The following PI15 variants were observed in gnomAD, a reference collection of about 807,000 sequenced individuals.
PI15 encodes 25 kDa trypsin inhibitor.
A neutral mutation model predicts 31.0 loss-of-function variants in PI15; 18 were observed. That is an observed-to-expected ratio of 0.58 (90% CI 0.40 to 0.86). PI15 has a LOEUF of 0.86. Ranked by LOEUF, PI15 falls within the 40% of genes least tolerant of loss-of-function variation. The probability of loss-of-function intolerance (pLI) is 0.00; values close to 1 mark genes in which losing one functional copy is unlikely to be tolerated. For missense variants in PI15, 282 were observed against 328.1 expected (o/e 0.86, Z 1.09); for synonymous variants, 118 against 119.1 (o/e 0.99, Z 0.06).
In PI15 at chr8:74,849,392, T is replaced by C; in HGVS notation, c.*139T>C. The C allele has an allele frequency of 1.7e-6, 1 of 580,260 alleles. No homozygotes were observed. Among genetic ancestry groups the C allele is most frequent in the Non-Finnish European group, 2.9e-6 (1 of 345,582 alleles). 35.9% of individuals were successfully genotyped at this position (580,260 alleles called of 1,614,324 possible). On this transcript the variant is annotated 3_prime_UTR_variant, in exon 6 of 6. Coordinates refer to ENST00000260113, the MANE Select transcript of PI15 (RefSeq NM_015886.5). Reference sequence around the variant, plus strand: ...CCTCTTAGTATTCCTTTGTATAAATTAGTGTTTGTCTAGCATGTTTGTTTA... The same window carrying C: ...CCTCTTAGTATTCCTTTGTATAAATCAGTGTTTGTCTAGCATGTTTGTTTA...
chr8:74,837,933 T>C (rs1304035228), intron 2 of PI15, among the ~76,000 whole-genome samples: 1 of 152,138 alleles, frequency 6.6e-6, no homozygotes. Context: ...TTCACTTTAA[T>C]TTTCATAATT....
At chr8:74,829,622 A>G (rs1810751909) in intron 2 of PI15, among the ~76,000 whole-genome samples, 1 of 152,160 alleles carries the variant, frequency 6.6e-6, no homozygotes, top group African/African-American at 2.4e-5. Context: ...GAAAACAAAC[A>G]TTTTTGTCTT....
intron 2 of PI15, among the ~76,000 whole-genome samples, chr8:74,827,102 A>T (rs1224083875): frequency 6.6e-6 from 1 of 152,098 alleles, no homozygotes; most frequent in African/African-American, 2.4e-5. Context: ...ATTTGTAGCA[A>T]TCACATGACT....
chr8:74,847,116 A>G (rs1811037163), intron 5 of PI15, among the ~76,000 whole-genome samples: 1 of 152,214 alleles, frequency 6.6e-6, no homozygotes, highest in South Asian at 2.1e-4. Context: ...AGATAGCATT[A>G]GCTTGGCCCA....
At chr8:74,825,150 T>TCGGG in intron 1 of PI15, 60 bp from the exon 2 acceptor site, 4 of 926,280 alleles carry the variant, frequency 4.3e-6, no homozygotes, top group African/African-American at 1.7e-5. Flanking sequence ...TCTTTGTAAA[T>TCGGG]TCATACCCTC....
chr8:74,849,066 T>A, intron 5 of PI15, 52 bp from the exon 6 acceptor site: 1 of 1,557,954 alleles, frequency 6.4e-7, no homozygotes, highest in South Asian at 1.2e-5. Flanking sequence ...CAATCTACTT[T>A]TAAAAAATGG....
In PI15 at chr8:74,852,052, A is replaced by G. The variant is rs1321162989; in HGVS notation, c.*2799A>G. ...TGCCATATTTTTCACAGCATGCAACAATGGTGCTAGGATAGCTATTTCTTA... is the reference window on the plus strand; with the variant it reads ...TGCCATATTTTTCACAGCATGCAACGATGGTGCTAGGATAGCTATTTCTTA... On this transcript the variant is annotated 3_prime_UTR_variant, in exon 6 of 6. Coordinates refer to ENST00000260113, the MANE Select transcript of PI15 (RefSeq NM_015886.5). 6.6e-6 allele frequency: 1 copy of G among 152,566 alleles called. No individual in the cohort carries two copies. Among genetic ancestry groups the G allele is most frequent in the Non-Finnish European group, 1.5e-5 (1 of 67,968 alleles). 9.5% of individuals were successfully genotyped at this position (152,566 alleles called of 1,614,324 possible). A position where few individuals can be genotyped will look rare whatever the true frequency, so the allele number is the denominator to read the frequency against.
At position 74,836,130 on chromosome 8, in the gene PI15, C is replaced by A. The variant is rs955551621; in HGVS notation, c.274-7851C>A. Among the ~76,000 whole-genome samples, 38 of 152,144 alleles carry A rather than the reference C, an allele frequency of 2.5e-4. 1 individual carries two copies. The highest frequency in any genetic ancestry group is 8.0e-4 in the African/African-American group (33 of 41,442). On this transcript the variant is annotated intron_variant, in intron 2 of 5. Coordinates refer to ENST00000260113, the MANE Select transcript of PI15 (RefSeq NM_015886.5). The stretch of plus-strand genomic sequence containing the variant: ...TGGCCTGAGCAATAAAGAACAGCAA[C>A]CAGTAAACTTTTTCTGTAAAGGGCC...
At chr8:74,847,899 G>A (rs1421074353) in intron 5 of PI15, among the ~76,000 whole-genome samples, 3 of 151,850 alleles carry the variant, frequency 2.0e-5, no homozygotes, top group Admixed American at 6.6e-5. Context: ...TTTTACCACC[G>A]ATAACCAAAT....
At chr8:74,834,456 C>A (rs559166156) in intron 2 of PI15, among the ~76,000 whole-genome samples, 1 of 152,140 alleles carries the variant, frequency 6.6e-6, no homozygotes, top group Admixed American at 6.6e-5. Flanking sequence ...GATCCAGTCA[C>A]CAAACTCCTT....
chr8:74,836,055 C>T (rs561193681), intron 2 of PI15, among the ~76,000 whole-genome samples: 1 of 152,240 alleles, frequency 6.6e-6, no homozygotes, highest in East Asian at 1.9e-4. Flanking sequence ...ATGAGATTTG[C>T]TCACTGAGCA....
At chr8:74,838,659 G>A (rs1455930013) in intron 2 of PI15, among the ~76,000 whole-genome samples, 1 of 151,912 alleles carries the variant, frequency 6.6e-6, no homozygotes, top group African/African-American at 2.4e-5. Flanking sequence ...AAGTGAGAAA[G>A]GGCACTATTT....
chr8:74,825,975 C>A (rs1006171272), intron 2 of PI15, among the ~76,000 whole-genome samples: 1 of 152,006 alleles, frequency 6.6e-6, no homozygotes, highest in Non-Finnish European at 1.5e-5. Flanking sequence ...ATGATTTATT[C>A]TCTGGGTAGG....
chr8:74,842,496 C>T (rs768320735), intron 2 of PI15, among the ~76,000 whole-genome samples: 3 of 152,084 alleles, frequency 2.0e-5, no homozygotes, highest in Non-Finnish European at 4.4e-5. Flanking sequence ...CAGGTAAATA[C>T]TTCACTAAAT....
intron 5 of PI15, among the ~76,000 whole-genome samples, chr8:74,847,024 C>T (rs896637584): frequency 2.0e-5 from 3 of 152,014 alleles, no homozygotes; most frequent in East Asian, 1.9e-4. Flanking sequence ...ACTTATGATA[C>T]AATTTTATTT....
At chr8:74,845,024 A>G (rs1811003877) in intron 3 of PI15, 104 bp from the exon 4 acceptor site, 1 of 978,646 alleles carries the variant, frequency 1.0e-6, no homozygotes, top group Non-Finnish European at 1.6e-6. Context: ...CTCTTGGATC[A>G]TCATGAATAA....
intron 2 of PI15, among the ~76,000 whole-genome samples, chr8:74,843,240 C>A (rs1297651727): frequency 6.6e-6 from 1 of 152,148 alleles, no homozygotes; most frequent in African/African-American, 2.4e-5. Flanking sequence ...GAGCTGTCCC[C>A]AAGTTACAAC....
At chr8:74,841,389 A>G (rs1810943271) in intron 2 of PI15, among the ~76,000 whole-genome samples, 1 of 152,144 alleles carries the variant, frequency 6.6e-6, no homozygotes, top group Non-Finnish European at 1.5e-5. Flanking sequence ...CCCTCATTCA[A>G]TCTCATTTTA....
rs1811116104 is a variant in PI15, at chr8:74,852,085, T to G, written c.*2832T>G. ...TAGGATAGCTATTTCTTACTGTAAT[T>G]GCCAGAGGCAGAAATGGTCTGGGTA... On this transcript the variant is annotated 3_prime_UTR_variant, in exon 6 of 6. Transcript: ENST00000260113. The G allele has an allele frequency of 6.6e-6, 1 of 152,524 alleles. No individual in the cohort carries two copies. Among genetic ancestry groups the G allele is most frequent in the South Asian group, 2.1e-4 (1 of 4,834 alleles). 9.4% of individuals were successfully genotyped at this position (152,524 alleles called of 1,614,324 possible). A position where few individuals can be genotyped will look rare whatever the true frequency, so the allele number is the denominator to read the frequency against.
Sources: gnomAD v4.1 joint callset for allele counts (sites outside exome capture counted in the v4.1 genomes callset) on GRCh38, gnomAD v4.1.1 for gene constraint, MANE v1.5 for transcripts, NCBI Gene and HGNC (gene_info 2026-07-23, HGNC 2026-07-21) for gene names.